The following SLC2A2 variants were observed in gnomAD, a reference collection of about 807,000 sequenced individuals.
The protein encoded by SLC2A2 is solute carrier family 2 member 2, also known as solute carrier family 2, facilitated glucose transporter member 2.
SLC2A2 carries 36 observed loss-of-function variants against 54.5 expected under a neutral mutation model. The ratio of observed to expected loss-of-function variants is 0.66; its 90% CI spans 0.51 to 0.87. SLC2A2 has a LOEUF of 0.87. SLC2A2 is among the 40% of genes least tolerant of loss of function. SLC2A2 has a pLI of 0.00. For synonymous variants in SLC2A2, 223 were observed against 219.1 expected (o/e 1.02, Z -0.16); for missense variants, 543 against 624.3 (o/e 0.87, Z 1.39).
chr3:171,024,339 T>C (rs1220830921), intron 1 of SLC2A2, among the ~76,000 whole-genome samples: 2 of 152,176 alleles, frequency 1.3e-5, no homozygotes, highest in Admixed American at 1.3e-4. Flanking sequence ...GTACATGAAA[T>C]TATTCCTATT....
At chr3:171,006,134 C>T (rs1288109595) in intron 5 of SLC2A2, 29 bp from the exon 6 acceptor site, 1 of 1,591,812 alleles carries the variant, frequency 6.3e-7, no homozygotes, top group Non-Finnish European at 8.6e-7. Flanking sequence ...AGTATATCAA[C>T]TACATAATAC....
rs757805176 is a variant in SLC2A2 at position 170,999,079 on chromosome 3, C to G, written c.1156G>C (p.Gly386Arg). 6.2e-7 allele frequency: 1 copy of G among 1,611,566 alleles called. No homozygotes were observed. Among genetic ancestry groups the G allele is most frequent in the Non-Finnish European group, 8.5e-7 (1 of 1,177,974 alleles). Residue 386 changes from glycine to arginine, a missense_variant, in exon 9 of 11, where the codon GGA (glycine) becomes CGA (arginine). Transcript: ENST00000314251. ...MFVCAIFMSV[G>R]LVLLNKFSWM... ...ACCAAACTTACCAGCAGCACAAGTC[C>G]CACTGACATGAAGATGGCACAAACA... is the stretch of plus-strand genomic sequence containing the variant.
At chr3:171,009,343 C>T (rs866740682) in intron 4 of SLC2A2, among the ~76,000 whole-genome samples, 4 of 152,054 alleles carry the variant, frequency 2.6e-5, no homozygotes, top group Non-Finnish European at 5.9e-5. Flanking sequence ...CTCTCTGATT[C>T]ACTTTCCCTA....
rs140646315 is a variant in SLC2A2, at chr3:171,020,737, A to C, written c.16-2114T>G. Reference sequence around the variant, plus strand: ...GTCTCTACAAAAAAATACAAAGATTAGCAGGGCATGGTGGTGTATGCCTGT... The same window carrying C: ...GTCTCTACAAAAAAATACAAAGATTCGCAGGGCATGGTGGTGTATGCCTGT... On this transcript the variant is annotated intron_variant, in intron 1 of 10. Coordinates refer to ENST00000314251, the MANE Select transcript of SLC2A2 (RefSeq NM_000340.2). Among the ~76,000 whole-genome samples the C allele has an allele frequency of 8.7e-4, 132 of 151,798 alleles. 1 individual carries two copies. Among genetic ancestry groups the C allele is most frequent in the African/African-American group, 3.0e-3 (124 of 41,380 alleles).
At chr3:171,005,194 A>G in intron 7 of SLC2A2, 91 bp downstream of exon 7, 1 of 1,064,520 alleles carries the variant, frequency 9.4e-7, no homozygotes, top group Non-Finnish European at 1.5e-6. Flanking sequence ...AATACCTTAA[A>G]ATATCTTTTA....
chr3:171,016,198 G>A (rs1716143375), intron 2 of SLC2A2, among the ~76,000 whole-genome samples: 1 of 152,210 alleles, frequency 6.6e-6, no homozygotes, highest in South Asian at 2.1e-4. Context: ...ACTTTGGGAG[G>A]CCAAGGTGGG....
At position 171,014,560 on chromosome 3, in the gene SLC2A2, T is replaced by C; in HGVS notation, c.280A>G (p.Thr94Ala). 6.2e-7 allele frequency: 1 copy of C among 1,614,058 alleles called. No individual in the cohort carries two copies. The highest frequency in any genetic ancestry group is 8.5e-7 in the Non-Finnish European group (1 of 1,180,000). The change falls in exon 3 of 11, where the codon ACC becomes GCC. Residue 94 changes from threonine to alanine, a missense_variant. Physicochemically the swap from Thr to Ala is moderately conservative, Grantham distance 58. Transcript: ENST00000314251. ...GATACAGACAGGGACCAGAGCATGG[T>C]GATTAGTTGAGCAGCTGCCACAGTC... The part of the protein sequence containing the change: ...EETVAAAQLI[T>A]MLWSLSVSSF...
In SLC2A2 at chr3:170,997,656, C is replaced by G. The variant is rs532899748; in HGVS notation, c.*247G>C. On this transcript the variant is annotated 3_prime_UTR_variant, in exon 11 of 11. Transcript: ENST00000314251. ...AACAGAGCTAAAAATATTAGAACCA[C>G]CTGCCCTTTAGTGTAACAAAATAAA... 6.2e-6 allele frequency: 3 copies of G among 481,078 alleles called. No individual in the cohort carries two copies. The East Asian group carries it at 1.2e-4, about 19-fold the overall frequency. The allele number at this position is 481,078 out of a possible 1,614,324, so 29.8% of individuals were successfully genotyped here.
At chr3:171,018,382 A>G (rs1716252904) in intron 2 of SLC2A2, 149 bp downstream of exon 2, 1 of 693,128 alleles carries the variant, frequency 1.4e-6, no homozygotes, top group Admixed American at 2.1e-5. Flanking sequence ...CCAAGTTATC[A>G]GCTTTGGAAC....
chr3:171,022,524 G>A (rs143513581), intron 1 of SLC2A2, among the ~76,000 whole-genome samples: 384 of 152,244 alleles, frequency 2.5e-3, no homozygotes, highest in Admixed American at 4.1e-3. Flanking sequence ...ATTGCTCATC[G>A]GTAGCTGAGC....
chr3:171,012,485 C>T lies in SLC2A2; in HGVS notation c.371+1984G>A, dbSNP rs558440038. ...ATTGCACAGACCATAGTCTTCTCTA[C>T]CGTACCCTGGTAATTAAACTGTAAA... is the stretch of plus-strand genomic sequence containing the variant. On this transcript the variant is annotated intron_variant, in intron 3 of 10. Coordinates refer to ENST00000314251, the MANE Select transcript of SLC2A2 (RefSeq NM_000340.2). Among the ~76,000 whole-genome samples, 9 of 152,264 alleles carry T rather than the reference C, an allele frequency of 5.9e-5. No individual in the cohort carries two copies. In the East Asian group the frequency reaches 1.5e-3, roughly 26 times the overall value.
At position 170,998,263 on chromosome 3, in the gene SLC2A2, G is replaced by T; in HGVS notation, c.1304C>A (p.Ala435Asp). ...EFFSQGPRPA[A>D]LAIAAFSNWT... is the part of the protein sequence containing the mutation. ...ATTGCTGAATGCAGCTATTGCTAAA[G>T]CAGCAGGACGTGGTCCTTGACTGAA... The change falls in exon 10 of 11, where the codon GCT becomes GAT. Residue 435 changes from alanine to aspartate, a missense_variant. Ala to Asp is a moderately radical substitution (Grantham distance 126). Coordinates refer to ENST00000314251, the MANE Select transcript of SLC2A2 (RefSeq NM_000340.2). 1 of 1,613,844 alleles carries T rather than the reference G, an allele frequency of 6.2e-7. No homozygotes were observed. The highest frequency in any genetic ancestry group is 8.5e-7 in the Non-Finnish European group (1 of 1,179,818).
In SLC2A2 at chr3:171,014,672, G is replaced by A; in HGVS notation, c.168C>T (p.Ile56=). ...CTGTACTGTTGATAACATAGTTGTT[G>A]ATAGCTTTTCGGTCATCCAGTGGAA... ...LGVPLDDRKA[I]NNYVINSTDE... Residue 56 remains isoleucine, a synonymous_variant, in exon 3 of 11, where the codon ATC becomes ATT. Transcript: ENST00000314251. The A allele has an allele frequency of 6.2e-7, 1 of 1,613,956 alleles. No homozygotes were observed. The highest frequency in any genetic ancestry group is 8.5e-7 in the Non-Finnish European group (1 of 1,179,854).
intron 5 of SLC2A2, 141 bp downstream of exon 5, chr3:171,007,007 G>T (rs1715642295): frequency 2.9e-6 from 2 of 698,206 alleles, no homozygotes; most frequent in Non-Finnish European, 5.3e-6. Flanking sequence ...CTCTGTGCTG[G>T]TCTACAGTGA....
chr3:170,996,865 T>A lies in SLC2A2; in HGVS notation c.*1038A>T, dbSNP rs1715101413. On this transcript the variant is annotated 3_prime_UTR_variant, in exon 11 of 11. Transcript: ENST00000314251. ...TGATAAAAGTCTGAAGCTGAACATT[T>A]ATGAAGTTTCAGAAGCCCACACTCA... 1 of 387,978 alleles carries A rather than the reference T, an allele frequency of 2.6e-6. No homozygotes were observed. The highest frequency in any genetic ancestry group is 2.1e-5 in the African/African-American group (1 of 48,286). The allele number at this position is 387,978 out of a possible 1,614,324, so 24.0% of individuals were successfully genotyped here.
chr3:171,013,700 GAAAA>G (rs1715992903), intron 3 of SLC2A2, among the ~76,000 whole-genome samples: 1 of 113,188 alleles, frequency 8.8e-6, no homozygotes, highest in Admixed American at 8.3e-5. Context: ...TTTATCATGA[GAAAA>G]AAAGGTAATG....
intron 8 of SLC2A2, among the ~76,000 whole-genome samples, chr3:171,000,516 A>G (rs1285351163): frequency 2.0e-5 from 3 of 149,858 alleles, no homozygotes; most frequent in South Asian, 2.1e-4. Flanking sequence ...TGTCTTCCCA[A>G]TTAGAACGCT....
chr3:171,013,988 A>G (rs1716010541), intron 3 of SLC2A2, among the ~76,000 whole-genome samples: 1 of 152,174 alleles, frequency 6.6e-6, no homozygotes, highest in Non-Finnish European at 1.5e-5. Context: ...TAACAAATAC[A>G]TTGGGCAATT....
intron 1 of SLC2A2, among the ~76,000 whole-genome samples, chr3:171,022,703 C>T (rs1403040931): frequency 6.6e-6 from 1 of 152,182 alleles, no homozygotes; most frequent in African/African-American, 2.4e-5. Context: ...CCCTGTCCCT[C>T]TACCATACAA....
Sources: allele counts gnomAD v4.1 joint callset (sites outside exome capture counted in the v4.1 genomes callset), GRCh38; gene constraint gnomAD v4.1.1; transcripts MANE v1.5; gene names NCBI Gene and HGNC (gene_info 2026-07-23, HGNC 2026-07-21).